TBL1Y: variants seen among roughly 807,000 people sequenced by gnomAD.
TBL1Y encodes F-box-like/WD repeat-containing protein TBL1Y.
In TBL1Y, 15 loss-of-function variants were observed where a neutral mutation model predicts 12.0. The observed-to-expected ratio is 1.25, with a 90% confidence interval of 0.83 to 1.92. TBL1Y has a LOEUF of 1.92. TBL1Y is among the 40% of genes most tolerant of loss of function. TBL1Y has a pLI of 0.00. For missense variants in TBL1Y, 148 were observed against 116.7 expected (o/e 1.27, Z -1.24); for synonymous variants, 53 against 42.6 (o/e 1.24, Z -0.95).
chrY:7,091,530 T>G lies in TBL1Y; in HGVS notation c.*38T>G. 3.0e-6 allele frequency: 1 copy of G among 334,771 alleles called. No individual in the cohort carries two copies. The allele number at this position is 334,771 out of a possible 400,897, so 83.5% of individuals were successfully genotyped here. A position where few individuals can be genotyped will look rare whatever the true frequency, so the allele number is the denominator to read the frequency against. On this transcript the variant is annotated 3_prime_UTR_variant, in exon 19 of 19. Coordinates refer to ENST00000383032, the MANE Select transcript of TBL1Y (RefSeq NM_033284.2). ...AATATAGAAAAAAAGAAAAGAATTC[T>G]AATGACCTGCCTTGAATGCATGGGG...
intron 13 of TBL1Y, 110 bp downstream of exon 13, chrY:7,074,730 C>T: frequency 4.6e-6 from 1 of 215,381 alleles, no homozygotes; most frequent in East Asian, 1.1e-4. Flanking sequence ...ACGTGAGGCC[C>T]ACTTGAGTCT....
At chrY:7,012,162 T>G (rs2012522927) in intron 4 of TBL1Y, among the ~76,000 whole-genome samples, 1 of 34,239 alleles carries the variant, frequency 2.9e-5, no homozygotes, top group Non-Finnish European at 7.3e-5. Flanking sequence ...AGATGTGGCC[T>G]GCTTCTAAAA....
intron 2 of TBL1Y, among the ~76,000 whole-genome samples, chrY:6,927,514 T>C: frequency 2.9e-5 from 1 of 34,063 alleles, no homozygotes; most frequent in East Asian, 7.6e-4. Context: ...TGTGAGGCAC[T>C]GCACCTGGCC....
At chrY:6,951,216 C>T in intron 2 of TBL1Y, among the ~76,000 whole-genome samples, 2 of 33,105 alleles carry the variant, frequency 6.0e-5, no homozygotes, top group African/African-American at 1.2e-4. Context: ...AGGGAGGATT[C>T]CCTCTTTTTC....
chrY:6,970,581 T>G, intron 2 of TBL1Y, among the ~76,000 whole-genome samples: 1 of 33,745 alleles, frequency 3.0e-5, no homozygotes, highest in Non-Finnish European at 7.3e-5. Context: ...AGTGAGCTAC[T>G]GTGCCTGGCC....
At chrY:7,046,282 A>T in intron 7 of TBL1Y, among the ~76,000 whole-genome samples, 2 of 33,315 alleles carry the variant, frequency 6.0e-5, no homozygotes, top group Non-Finnish European at 1.5e-4. Flanking sequence ...TATGTTCTTT[A>T]CATAAGGTCC....
intron 6 of TBL1Y, among the ~76,000 whole-genome samples, chrY:7,030,826 A>T: frequency 3.0e-5 from 1 of 33,339 alleles, no homozygotes; most frequent in Non-Finnish European, 7.4e-5. Flanking sequence ...TAGATAGTTT[A>T]GAGTAGATAT....
At chrY:6,990,028 G>A (rs905936905) in intron 3 of TBL1Y, among the ~76,000 whole-genome samples, 1 of 33,725 alleles carries the variant, frequency 3.0e-5, no homozygotes, top group South Asian at 6.8e-4. Flanking sequence ...GGGGATGACC[G>A]TGCTGTACAG....
At chrY:6,921,119 TCTA>T (rs2011774499) in intron 2 of TBL1Y, among the ~76,000 whole-genome samples, 1 of 33,035 alleles carries the variant, frequency 3.0e-5, no homozygotes, top group African/African-American at 1.2e-4. Flanking sequence ...GCTCCTTGCT[TCTA>T]CTGAACTTCC....
chrY:7,002,959 G>A, intron 4 of TBL1Y, among the ~76,000 whole-genome samples: 3 of 33,613 alleles, frequency 8.9e-5, no homozygotes, highest in Non-Finnish European at 2.2e-4. Context: ...TTAACTTCTC[G>A]GGAGCTACTT....
intron 3 of TBL1Y, among the ~76,000 whole-genome samples, chrY:6,989,887 A>G: frequency 3.0e-5 from 1 of 33,843 alleles, no homozygotes; most frequent in African/African-American, 1.2e-4. Context: ...TATTGTTAAG[A>G]GAGAAACAGA....
intron 2 of TBL1Y, among the ~76,000 whole-genome samples, chrY:6,916,702 C>T (rs2011736842): frequency 6.1e-5 from 2 of 32,677 alleles, no homozygotes; most frequent in African/African-American, 2.4e-4. Context: ...GCCTGGGCAA[C>T]GAGAGCGAAA....
chrY:6,918,632 C>T, intron 2 of TBL1Y: 1 of 31,709 alleles, frequency 3.2e-5, no homozygotes, highest in Non-Finnish European at 7.6e-5. Flanking sequence ...CCAGGGTGGT[C>T]TCAAAGTCCT....
At chrY:7,032,454 A>G in intron 6 of TBL1Y, among the ~76,000 whole-genome samples, 1 of 33,636 alleles carries the variant, frequency 3.0e-5, no homozygotes, top group Non-Finnish European at 7.3e-5. Flanking sequence ...AGAGTGAATT[A>G]TAATTAGTGT....
At chrY:6,931,204 C>T (rs1032433811) in intron 2 of TBL1Y, among the ~76,000 whole-genome samples, 3 of 33,440 alleles carry the variant, frequency 9.0e-5, no homozygotes, top group African/African-American at 3.5e-4. Context: ...GCCAACTTGA[C>T]CAACATGGAG....
intron 2 of TBL1Y, among the ~76,000 whole-genome samples, chrY:6,915,854 C>T: frequency 3.0e-5 from 1 of 33,467 alleles, no homozygotes; most frequent in Non-Finnish European, 7.4e-5. Context: ...CGTGGGCCTC[C>T]GGGCCTGGCT....
At chrY:6,956,821 C>T in intron 2 of TBL1Y, among the ~76,000 whole-genome samples, 3 of 33,504 alleles carry the variant, frequency 9.0e-5, no homozygotes, top group Non-Finnish European at 2.2e-4. Flanking sequence ...AGTGTTCCCT[C>T]TAATTTTCAA....
intron 3 of TBL1Y, among the ~76,000 whole-genome samples, chrY:6,985,127 A>C: frequency 2.9e-5 from 1 of 34,104 alleles, no homozygotes; most frequent in Non-Finnish European, 7.3e-5. Context: ...ATGCTTGTCC[A>C]GGGCGTGAGT....
chrY:6,930,333 A>C (rs763059462), intron 2 of TBL1Y, among the ~76,000 whole-genome samples: 1 of 33,838 alleles, frequency 3.0e-5, no homozygotes, highest in South Asian at 6.6e-4. Context: ...TGTGCTTGTG[A>C]AGGGCAACTG....
Sources: gnomAD v4.1 joint callset for allele counts (sites outside exome capture counted in the v4.1 genomes callset) on GRCh38, gnomAD v4.1.1 for gene constraint, MANE v1.5 for transcripts, NCBI Gene and HGNC (gene_info 2026-07-23, HGNC 2026-07-21) for gene names.